Variants in NSD2 observed in about 807,000 individuals in gnomAD.
NSD2 encodes the protein nuclear receptor binding SET domain protein 2, also known as histone-lysine N-methyltransferase NSD2.
NSD2 carries 12 observed loss-of-function variants against 139.0 expected under a neutral mutation model. The ratio of observed to expected loss-of-function variants is 0.09; its 90% CI spans 0.06 to 0.14. NSD2 has a LOEUF of 0.14. Among genes scored for constraint, NSD2 ranks in the 10% least tolerant of loss-of-function variants. The pLI is 1.00. For synonymous variants in NSD2, 669 were observed against 648.7 expected (o/e 1.03, Z -0.48); for missense variants, 1,155 against 1,745.0 (o/e 0.66, Z 6.02).
At chr4:1,962,139 TC>T (rs1725431963) in intron 18 of NSD2, among the ~76,000 whole-genome samples, 1 of 152,192 alleles carries the variant, frequency 6.6e-6, no homozygotes, top group Non-Finnish European at 1.5e-5. Context: ...GGAAGCTATA[TC>T]CCCTACCCCT....
At chr4:1,953,661 CTGGGT>C in intron 12 of NSD2, 137 bp downstream of exon 12, 1 of 1,150,664 alleles carries the variant, frequency 8.7e-7, no homozygotes, top group Non-Finnish European at 1.2e-6. Context: ...TGGACATCGG[CTGGGT>C]TGGGTTTTCT....
intron 1 of NSD2, among the ~76,000 whole-genome samples, chr4:1,892,527 C>T (rs1246321463): frequency 6.6e-6 from 1 of 152,172 alleles, no homozygotes; most frequent in African/African-American, 2.4e-5. Context: ...ATGCTTAACT[C>T]TTCCCACCTC....
intron 7 of NSD2, among the ~76,000 whole-genome samples, chr4:1,937,751 G>C (rs1050702912): frequency 1.3e-5 from 2 of 152,186 alleles, no homozygotes; most frequent in Non-Finnish European, 2.9e-5. Context: ...TGGAGTATGA[G>C]TGCAGGAGTG....
Position 1,958,373 on chromosome 4 carries a change from A to C in NSD2, c.2985+337A>C, listed in dbSNP as rs1021887848. Among the ~76,000 whole-genome samples the C allele has an allele frequency of 1.3e-5, 2 of 152,240 alleles. No homozygotes were observed. The highest frequency in any genetic ancestry group is 2.9e-5 in the Non-Finnish European group (2 of 68,028). ...TTGCCAAGTGCTGGGAGTCAGTCACATACGGCCAGGGCTCAGTGACTGAGC... is the reference window on the plus strand; with the variant it reads ...TTGCCAAGTGCTGGGAGTCAGTCACCTACGGCCAGGGCTCAGTGACTGAGC... On this transcript the variant is annotated intron_variant, in intron 16 of 21. Coordinates refer to ENST00000508803, the MANE Select transcript of NSD2 (RefSeq NM_001042424.3). This position sits in a 1 kb window ranked among gnomAD's most constrained non-coding sequence, Gnocchi z 4.6.
chr4:1,907,762 G>C (rs1056042263), intron 3 of NSD2, among the ~76,000 whole-genome samples: 2 of 151,740 alleles, frequency 1.3e-5, no homozygotes, highest in African/African-American at 4.8e-5. Context: ...ACAGGTGCAC[G>C]CCACCACACC....
rs540499950 is a variant in NSD2, at chr4:1,974,335, C to T, written c.3373-528C>T. On this transcript the variant is annotated intron_variant, in intron 18 of 21. Transcript: ENST00000508803. This position sits in a 1 kb window ranked among gnomAD's most constrained non-coding sequence, Gnocchi z 4.0. ...AAGTGATTCTCCTGCCTCAGCCTCC[C>T]GAGTAGCTGAGATTACAGGCAGCCA... is the stretch of plus-strand genomic sequence containing the variant. 7.2e-5 allele frequency among the ~76,000 whole-genome samples: 11 copies of T among 152,134 alleles called. No individual in the cohort carries two copies. Among genetic ancestry groups the T allele is most frequent in the African/African-American group, 2.2e-4 (9 of 41,514 alleles).
chr4:1,873,196 T>C (rs1713998002), intron 1 of NSD2, among the ~76,000 whole-genome samples: 1 of 152,174 alleles, frequency 6.6e-6, no homozygotes, highest in Non-Finnish European at 1.5e-5. Flanking sequence ...CTGCACAATT[T>C]TGAGTTTGTG....
In NSD2 at chr4:1,896,748, TTCTTTC is replaced by T. The variant is rs1201816233; in HGVS notation, c.-29-3876_-29-3871del. Among the ~76,000 whole-genome samples, 32 of 149,918 alleles carry T rather than the reference TTCTTTC, an allele frequency of 2.1e-4. No homozygotes were observed. In the East Asian group the frequency reaches 3.4e-3, roughly 16 times the overall value. On this transcript the variant is annotated intron_variant, in intron 1 of 21. Transcript: ENST00000508803. Reference sequence around the variant, plus strand: ...CCTTCCTTCCCTTCTCTCTTTCTCTTTCTTTCTTTCCTTCTTTCTTCTCTTTTTTTT... The same window carrying T: ...CCTTCCTTCCCTTCTCTCTTTCTCTTTTTCCTTCTTTCTTCTCTTTTTTTT...
intron 9 of NSD2, chr4:1,946,428 T>C: frequency 2.1e-6 from 1 of 486,422 alleles, no homozygotes; most frequent in Non-Finnish European, 2.7e-6. Context: ...CCACCACACC[T>C]GGCTATTTTT....
chr4:1,965,207 G>A (rs1173271138), intron 18 of NSD2, among the ~76,000 whole-genome samples: 1 of 151,926 alleles, frequency 6.6e-6, no homozygotes, highest in African/African-American at 2.4e-5. Context: ...AAGATGCTGA[G>A]AAAACTAAAG....
rs1351577988 is a variant in NSD2, at chr4:1,980,324, GGCACCATGTGTGCCTTT to G, written c.*1418_*1434del. The stretch of plus-strand genomic sequence containing the variant: ...GAAGTCTGGAGCACCCTGAGAAGGG[GGCACCATGTGTGCCTTT>G]GCCCACGTGTCCTGAGGGGCTGCTT... On this transcript the variant is annotated 3_prime_UTR_variant, in exon 22 of 22. Coordinates refer to ENST00000508803, the MANE Select transcript of NSD2 (RefSeq NM_001042424.3). The G allele has an allele frequency of 1.3e-5, 3 of 233,110 alleles. No homozygotes were observed. Among genetic ancestry groups the G allele is most frequent in the Non-Finnish European group, 2.5e-5 (3 of 118,044 alleles). 14.4% of individuals were successfully genotyped at this position (233,110 alleles called of 1,614,324 possible).
At chr4:1,883,735 G>C (rs2108682016) in intron 1 of NSD2, among the ~76,000 whole-genome samples, 1 of 152,306 alleles carries the variant, frequency 6.6e-6, no homozygotes, top group Middle Eastern at 3.4e-3. Flanking sequence ...ATGAAAGCAG[G>C]GCTCTTGTGT....
chr4:1,901,781 G>T (rs1051623789), intron 2 of NSD2, among the ~76,000 whole-genome samples: 1 of 152,246 alleles, frequency 6.6e-6, no homozygotes, highest in Non-Finnish European at 1.5e-5. Flanking sequence ...AGGTGGTCCA[G>T]CAGATGGCCT....
At position 1,981,595 on chromosome 4, in the gene NSD2, ACT is replaced by A. The variant is rs1409737995; in HGVS notation, c.*2689_*2690del. 6 of 361,990 alleles carry A rather than the reference ACT, an allele frequency of 1.7e-5. No homozygotes were observed. The highest frequency in any genetic ancestry group is 1.5e-4 in the South Asian group (1 of 6,672). The allele number at this position is 361,990 out of a possible 1,614,324, so 22.4% of individuals were successfully genotyped here. ...TAAAATGTGGTCACCTGTGGGGGAA[ACT>A]CTTCAGGCACCTGAAGTGAGAACCC... On this transcript the variant is annotated 3_prime_UTR_variant, in exon 22 of 22. Transcript: ENST00000508803.
In NSD2 at chr4:1,942,529, A is replaced by G. The variant is rs1383958358; in HGVS notation, c.1881+2751A>G. 1.4e-6 allele frequency: 2 copies of G among 1,426,280 alleles called. No homozygotes were observed. The highest frequency in any genetic ancestry group is 1.8e-6 in the Non-Finnish European group (2 of 1,086,460). The allele number at this position is 1,426,280 out of a possible 1,614,324, so 88.4% of individuals were successfully genotyped here. On this transcript the variant is annotated intron_variant, in intron 9 of 21. Coordinates refer to ENST00000508803, the MANE Select transcript of NSD2 (RefSeq NM_001042424.3). The surrounding 1 kb of genome is among the most constrained non-coding windows in gnomAD (Gnocchi z 4.0). ...TTTTTACTGGTATTAATAAACACAT[A>G]CAATGAAGAAAACAGATAACAAATT...
In NSD2 at chr4:1,956,214, G is replaced by C. The variant is rs763967226; in HGVS notation, c.2881+26G>C. On this transcript the variant is annotated intron_variant, in intron 15 of 21. Coordinates refer to ENST00000508803, the MANE Select transcript of NSD2 (RefSeq NM_001042424.3). The surrounding 1 kb of genome is among the most constrained non-coding windows in gnomAD (Gnocchi z 5.3). ...GTACGGAGATATTCAGATAGAGAGT[G>C]AGACAGCACTCTCGTGCATTTTCTT... The C allele has an allele frequency of 3.2e-6, 5 of 1,548,596 alleles. No individual in the cohort carries two copies. The highest frequency in any genetic ancestry group is 3.5e-6 in the Non-Finnish European group (4 of 1,146,272).
At chr4:1,885,473 CT>C in intron 1 of NSD2, among the ~76,000 whole-genome samples, 1 of 152,274 alleles carries the variant, frequency 6.6e-6, no homozygotes, top group African/African-American at 2.4e-5. Flanking sequence ...GATAAAACTT[CT>C]GATATGTTGA....
chr4:1,971,706 G>A lies in NSD2; in HGVS notation c.3373-3157G>A, dbSNP rs557475571. On this transcript the variant is annotated intron_variant, in intron 18 of 21. Coordinates refer to ENST00000508803, the MANE Select transcript of NSD2 (RefSeq NM_001042424.3). ...GAGGGTGTGTGCCAGCCGGTGGGGT[G>A]CACCTGAAAAGCATGGAGAGCAGTT... is the stretch of plus-strand genomic sequence containing the variant. Among the ~76,000 whole-genome samples the A allele has an allele frequency of 2.0e-5, 3 of 152,250 alleles. No individual in the cohort carries two copies. In the East Asian group the frequency reaches 5.8e-4, roughly 29 times the overall value.
intron 3 of NSD2, among the ~76,000 whole-genome samples, chr4:1,913,213 C>T (rs1030479392): frequency 6.6e-6 from 1 of 152,246 alleles, no homozygotes; most frequent in South Asian, 2.1e-4. Context: ...CTAGAGGGCT[C>T]CTTGGACTAG....
Sources: gnomAD v4.1 joint callset for allele counts (sites outside exome capture counted in the v4.1 genomes callset) on GRCh38, gnomAD v4.1.1 for gene constraint, Gnocchi (gnomAD v3.1) non-coding constraint, MANE v1.5 for transcripts, NCBI Gene and HGNC (gene_info 2026-07-23, HGNC 2026-07-21) for gene names.